KCTD16: variants seen among roughly 807,000 people sequenced by gnomAD.
The protein encoded by KCTD16 is potassium channel tetramerization domain containing 16.
KCTD16 carries 13 observed loss-of-function variants against 33.2 expected under a neutral mutation model. That is an observed-to-expected ratio of 0.39 (90% CI 0.25 to 0.62). KCTD16 has a LOEUF of 0.62. Ranked by LOEUF, KCTD16 falls within the 20% of genes least tolerant of loss-of-function variation. The pLI, the probability that KCTD16 is intolerant of heterozygous loss-of-function variation, is 0.50. For synonymous variants in KCTD16, 197 were observed against 195.3 expected (o/e 1.01, Z -0.07); for missense variants, 441 against 525.1 (o/e 0.84, Z 1.57).
intron 2 of KCTD16, among the ~76,000 whole-genome samples, chr5:144,202,797 A>G (rs551112277): frequency 6.5e-4 from 99 of 152,354 alleles, no homozygotes; most frequent in African/African-American, 2.2e-3. Flanking sequence ...AAAATGTTTC[A>G]GGTGGTATGA....
At position 144,207,017 on chromosome 5, in the gene KCTD16, A is replaced by G. The variant is rs772895409; in HGVS notation, c.303A>G (p.Pro101=). Residue 101 remains proline (P), a synonymous_variant, in exon 3 of 4, where the codon CCA becomes CCG. Transcript: ENST00000512467. ...DRQVVLPDHF[P]EKGRLKREAE... ...AGGTGGTCCTGCCTGATCACTTTCC[A>G]GAAAAAGGAAGACTGAAAAGGGAAG... 1 of 1,614,122 alleles carries G rather than the reference A, an allele frequency of 6.2e-7. No individual in the cohort carries two copies. Among genetic ancestry groups the G allele is most frequent in the Non-Finnish European group, 8.5e-7 (1 of 1,180,024 alleles).
intron 3 of KCTD16, among the ~76,000 whole-genome samples, chr5:144,301,240 C>CAAAA (rs5871873): frequency 5.4e-5 from 4 of 74,736 alleles, no homozygotes; most frequent in Non-Finnish European, 5.4e-5. Context: ...GATTCCATCT[C>CAAAA]AAAAAAAAAA....
chr5:144,209,827 AAT>A lies in KCTD16; in HGVS notation c.832+2292_832+2293del, dbSNP rs902155764. Among the ~76,000 whole-genome samples, 39 of 144,582 alleles carry A rather than the reference AAT, an allele frequency of 2.7e-4. No homozygotes were observed. In the South Asian group the frequency reaches 4.1e-3, roughly 15 times the overall value. The allele number at this position is 144,582 out of a possible 152,430, so 94.9% of individuals were successfully genotyped here. On this transcript the variant is annotated intron_variant, in intron 3 of 3. Coordinates refer to ENST00000512467, the MANE Select transcript of KCTD16 (RefSeq NM_020768.4). ...ATATTTATATGTGTGTATATATATA[AAT>A]ATATATATATTTATATGTGTATATA... is the stretch of plus-strand genomic sequence containing the variant.
chr5:144,259,041 G>A (rs1183038137), intron 3 of KCTD16, among the ~76,000 whole-genome samples: 2 of 152,014 alleles, frequency 1.3e-5, no homozygotes, highest in Admixed American at 6.5e-5. Flanking sequence ...GGCAGATCAC[G>A]AGGTTAGGAG....
At chr5:144,406,588 G>T (rs961150636) in intron 3 of KCTD16, among the ~76,000 whole-genome samples, 1 of 152,104 alleles carries the variant, frequency 6.6e-6, no homozygotes, top group East Asian at 1.9e-4. Flanking sequence ...AGATGCACCG[G>T]TTATGGTTTA....
At chr5:144,471,826 T>G (rs150444731) in intron 3 of KCTD16, among the ~76,000 whole-genome samples, 2 of 152,356 alleles carry the variant, frequency 1.3e-5, no homozygotes, top group East Asian at 3.9e-4. Context: ...AATGGCTCTA[T>G]AAATACGATG....
At chr5:144,473,589 C>T in intron 3 of KCTD16, 71 bp from the exon 4 acceptor site, 1 of 1,334,926 alleles carries the variant, frequency 7.5e-7, no homozygotes. Flanking sequence ...CTGTGTATGT[C>T]CAAGTGCTAT....
intron 3 of KCTD16, among the ~76,000 whole-genome samples, chr5:144,352,667 T>C (rs1428317107): frequency 2.6e-5 from 4 of 152,190 alleles, no homozygotes; most frequent in Non-Finnish European, 5.9e-5. Flanking sequence ...CCTGAAGAAA[T>C]GGAGACACTT....
At chr5:144,314,381 T>C (rs1751849686) in intron 3 of KCTD16, among the ~76,000 whole-genome samples, 2 of 152,180 alleles carry the variant, frequency 1.3e-5, no homozygotes, top group Admixed American at 6.5e-5. Flanking sequence ...AGGGGAAATT[T>C]CTCACAAAAT....
At chr5:144,277,607 T>C (rs986022196) in intron 3 of KCTD16, among the ~76,000 whole-genome samples, 7 of 152,210 alleles carry the variant, frequency 4.6e-5, no homozygotes, top group African/African-American at 1.7e-4. Flanking sequence ...TTTTTTTAAA[T>C]TGATTTTTGA....
intron 3 of KCTD16, among the ~76,000 whole-genome samples, chr5:144,283,342 A>C (rs571478680): frequency 5.3e-5 from 8 of 152,340 alleles, no homozygotes; most frequent in Admixed American, 3.3e-4. Flanking sequence ...TGCCTTATGC[A>C]TGCTGTCTAA....
intron 3 of KCTD16, among the ~76,000 whole-genome samples, chr5:144,225,589 TGTGTGTGTC>T: frequency 6.6e-6 from 1 of 151,976 alleles, no homozygotes; most frequent in Admixed American, 6.6e-5. Context: ...TGTGTGTGTG[TGTGTGTGTC>T]TTTAAAACTA....
chr5:144,344,749 T>C, intron 3 of KCTD16, among the ~76,000 whole-genome samples: 1 of 150,168 alleles, frequency 6.7e-6, no homozygotes. Flanking sequence ...ACTTTTACAC[T>C]GTTGGTGGGA....
At chr5:144,395,519 T>C (rs1752549082) in intron 3 of KCTD16, among the ~76,000 whole-genome samples, 2 of 152,224 alleles carry the variant, frequency 1.3e-5, no homozygotes, top group Non-Finnish European at 2.9e-5. Flanking sequence ...TGGTCTTCTC[T>C]GCAATCGCAG....
At chr5:144,264,868 A>G (rs1229445622) in intron 3 of KCTD16, among the ~76,000 whole-genome samples, 1 of 152,234 alleles carries the variant, frequency 6.6e-6, no homozygotes, top group African/African-American at 2.4e-5. Context: ...ACTCATATAC[A>G]TGTAATATTT....
Position 144,174,296 on chromosome 5 carries a change from C to CAGTT in KCTD16, c.-492-11_-492-10insAGTT, listed in dbSNP as rs1279688106. On this transcript the variant is annotated splice_polypyrimidine_tract_variant and intron_variant, in intron 1 of 3. Coordinates refer to ENST00000512467, the MANE Select transcript of KCTD16 (RefSeq NM_020768.4). ...ATTTTAGAGTTACTTTCTTTCCCTT[C>CAGTT]TGTTTTTCAGTTCATATGTCATGAA... 2 of 152,200 alleles carry CAGTT rather than the reference C, an allele frequency of 1.3e-5. No homozygotes were observed. Among genetic ancestry groups the CAGTT allele is most frequent in the African/African-American group, 4.8e-5 (2 of 41,448 alleles). 9.4% of individuals were successfully genotyped at this position (152,200 alleles called of 1,614,324 possible).
chr5:144,415,207 C>T (rs751813721), intron 3 of KCTD16, among the ~76,000 whole-genome samples: 1 of 152,072 alleles, frequency 6.6e-6, no homozygotes, highest in Non-Finnish European at 1.5e-5. Flanking sequence ...TGATAATGAA[C>T]CCACTTCTGT....
At chr5:144,177,748 T>C (rs1413350804) in intron 2 of KCTD16, among the ~76,000 whole-genome samples, 1 of 152,210 alleles carries the variant, frequency 6.6e-6, no homozygotes, top group Admixed American at 6.5e-5. Context: ...AAAGATCTTA[T>C]TTTCAAATAA....
At chr5:144,376,369 C>T (rs17101849) in intron 3 of KCTD16, among the ~76,000 whole-genome samples, 8,641 of 152,076 alleles carry the variant, frequency 0.057, 813 homozygotes, top group African/African-American at 0.19. Flanking sequence ...GTTACAATCT[C>T]GGTAGTTGGT....
Sources: gnomAD v4.1 joint callset for allele counts (sites outside exome capture counted in the v4.1 genomes callset) on GRCh38, gnomAD v4.1.1 for gene constraint, MANE v1.5 for transcripts, NCBI Gene and HGNC (gene_info 2026-07-23, HGNC 2026-07-21) for gene names.